PSG9: variants seen among roughly 807,000 people sequenced by gnomAD.
The protein encoded by PSG9 is pregnancy-specific beta-1-glycoprotein 9.
PSG9 carries 49 observed loss-of-function variants against 41.9 expected under a neutral mutation model. The observed-to-expected ratio is 1.17, with a 90% confidence interval of 0.93 to 1.48. The LOEUF is 1.48. Among genes scored for constraint, PSG9 ranks in the 40% most tolerant of loss-of-function variants. The pLI is 0.00. For missense variants in PSG9, 641 were observed against 520.3 expected, an observed-to-expected ratio of 1.23 and a Z score of -2.26; for synonymous variants, 263 against 196.8, an observed-to-expected ratio of 1.34 and a Z score of -2.82.
intron 1 of PSG9, 97 bp downstream of exon 1, chr19:43,269,271 T>G: frequency 2.5e-6 from 4 of 1,590,494 alleles, no homozygotes; most frequent in South Asian, 1.1e-5. Flanking sequence ...CCCTAAGAGC[T>G]GGCTTCTTTT....
chr19:43,267,034 C>T (rs184699431), intron 2 of PSG9, among the ~76,000 whole-genome samples: 2 of 152,154 alleles, frequency 1.3e-5, no homozygotes, highest in Non-Finnish European at 2.9e-5. Context: ...TGAGAAAGCA[C>T]CTTATGTCAG....
At chr19:43,254,304 G>A (rs1968369754) in intron 5 of PSG9, among the ~76,000 whole-genome samples, 1 of 146,338 alleles carries the variant, frequency 6.8e-6, no homozygotes, top group Admixed American at 6.8e-5. Context: ...AGTGACAGGT[G>A]GATCTGAGAT....
Position 43,256,206 on chromosome 19 carries a change from C to G in PSG9, c.1243+1996G>C, listed in dbSNP as rs1474433027. Reference sequence around the variant, plus strand: ...CCTAACACCATGTACAAAAATTAACCCACAATAGATCAAAGATCTAAATGT... The same window carrying G: ...CCTAACACCATGTACAAAAATTAACGCACAATAGATCAAAGATCTAAATGT... On this transcript the variant is annotated intron_variant, in intron 5 of 5. Transcript: ENST00000270077. Among the ~76,000 whole-genome samples the G allele has an allele frequency of 5.5e-5, 8 of 146,192 alleles. 1 individual carries two copies. The highest frequency in any genetic ancestry group is 1.0e-4 in the Non-Finnish European group (7 of 67,312).
Position 43,255,446 on chromosome 19 carries a change from T to G in PSG9, c.1244-1800A>C, listed in dbSNP as rs936628410. Reference sequence around the variant, plus strand: ...CTGAAAGCTTTCCCTGTATGAGCAGTAACAAGACAAGGATGCCTGCTTTTG... The same window carrying G: ...CTGAAAGCTTTCCCTGTATGAGCAGGAACAAGACAAGGATGCCTGCTTTTG... On this transcript the variant is annotated intron_variant, in intron 5 of 5. Transcript: ENST00000270077. Among the ~76,000 whole-genome samples the G allele has an allele frequency of 2.3e-4, 34 of 146,752 alleles. 3 individuals are homozygous for G. The highest frequency in any genetic ancestry group is 5.7e-4 in the African/African-American group (22 of 38,720).
chr19:43,260,541 T>C (rs1599826252), intron 3 of PSG9: 1 of 147,262 alleles, frequency 6.8e-6, no homozygotes, highest in African/African-American at 2.6e-5. Context: ...TAGTTTTTGG[T>C]CAATTCCATA....
chr19:43,254,562 CA>C lies in PSG9; in HGVS notation c.1244-917del, dbSNP rs1968377681. Among the ~76,000 whole-genome samples the C allele has an allele frequency of 2.1e-5, 3 of 145,736 alleles. No individual in the cohort carries two copies. The South Asian group carries it at 6.5e-4, about 32-fold the overall frequency. ...AAAAAGAAGAAAGATCTCAGGTCAA[CA>C]ACCTACTTTAATACTTCAGGATATG... On this transcript the variant is annotated intron_variant, in intron 5 of 5. Coordinates refer to ENST00000270077, the MANE Select transcript of PSG9 (RefSeq NM_002784.5).
chr19:43,263,446 A>G (rs1968820053), intron 2 of PSG9, among the ~76,000 whole-genome samples: 1 of 152,172 alleles, frequency 6.6e-6, no homozygotes, highest in African/African-American at 2.4e-5. Flanking sequence ...TCTTTTTAGC[A>G]TCACATCAGT....
chr19:43,256,153 T>C (rs750073581), intron 5 of PSG9, among the ~76,000 whole-genome samples: 1 of 146,594 alleles, frequency 6.8e-6, no homozygotes, highest in Non-Finnish European at 1.5e-5. Context: ...AAGCTGGATA[T>C]CCAAGGGCAA....
At chr19:43,267,201 T>A (rs1969010462) in intron 2 of PSG9, among the ~76,000 whole-genome samples, 1 of 152,116 alleles carries the variant, frequency 6.6e-6, no homozygotes, top group African/African-American at 2.4e-5. Context: ...GAGTGTCAGC[T>A]GAAAAAGCTC....
At chr19:43,262,357 T>G (rs1306604226) in intron 2 of PSG9, among the ~76,000 whole-genome samples, 1 of 152,004 alleles carries the variant, frequency 6.6e-6, no homozygotes. Flanking sequence ...CTTTCTTAAG[T>G]GTGAATTGAG....
chr19:43,263,815 A>G (rs1968840789), intron 2 of PSG9, among the ~76,000 whole-genome samples: 3 of 152,084 alleles, frequency 2.0e-5, no homozygotes, highest in African/African-American at 4.8e-5. Flanking sequence ...GAGTCCCGTT[A>G]AAAGGACCGA....
At chr19:43,255,133 GAAAA>G (rs1454390289) in intron 5 of PSG9, among the ~76,000 whole-genome samples, 3 of 125,758 alleles carry the variant, frequency 2.4e-5, no homozygotes, top group Non-Finnish European at 4.9e-5. Flanking sequence ...AAGAAAGAAA[GAAAA>G]ATGAAGCGAT....
At chr19:43,266,909 C>G (rs1444968218) in intron 2 of PSG9, among the ~76,000 whole-genome samples, 1 of 152,140 alleles carries the variant, frequency 6.6e-6, no homozygotes, top group African/African-American at 2.4e-5. Flanking sequence ...GGCAAATGGA[C>G]TGTGGCTTTT....
intron 5 of PSG9, chr19:43,257,774 C>G (rs1191038427): frequency 5.5e-6 from 7 of 1,270,888 alleles, no homozygotes; most frequent in Admixed American, 4.0e-5. Context: ...GGGCTTCCTC[C>G]TCTCATCTGG....
intron 5 of PSG9, among the ~76,000 whole-genome samples, chr19:43,256,861 C>A (rs1485992423): frequency 2.0e-5 from 3 of 146,566 alleles, no homozygotes; most frequent in Non-Finnish European, 4.4e-5. Context: ...GACATACTCC[C>A]CATAGAATTG....
chr19:43,258,095 G>A (rs778583157), intron 5 of PSG9, 107 bp downstream of exon 5: 1 of 1,589,928 alleles, frequency 6.3e-7, no homozygotes, highest in South Asian at 1.1e-5. Flanking sequence ...ATTTGCTTGT[G>A]CCCATGGGAC....
At chr19:43,264,669 G>A (rs944140860) in intron 2 of PSG9, among the ~76,000 whole-genome samples, 1 of 152,172 alleles carries the variant, frequency 6.6e-6, no homozygotes, top group Non-Finnish European at 1.5e-5. Context: ...CTGTTAGCCA[G>A]GATTGTCTCC....
chr19:43,266,552 C>T (rs933437770), intron 2 of PSG9, among the ~76,000 whole-genome samples: 3 of 151,898 alleles, frequency 2.0e-5, no homozygotes, highest in African/African-American at 4.8e-5. Context: ...CAGGATTTCA[C>T]GTTCAGTGAT....
intron 5 of PSG9, chr19:43,257,084 GAAAT>G (rs2122503929): frequency 6.8e-6 from 1 of 147,340 alleles, no homozygotes; most frequent in East Asian, 2.3e-4. Context: ...TATGCTAACT[GAAAT>G]AAACCAGACA....
Sources: gnomAD v4.1 joint callset for allele counts (sites outside exome capture counted in the v4.1 genomes callset) on GRCh38, gnomAD v4.1.1 for gene constraint, MANE v1.5 for transcripts, NCBI Gene and HGNC (gene_info 2026-07-23, HGNC 2026-07-21) for gene names.